The following VASH2 variants were observed in gnomAD, a reference collection of about 807,000 sequenced individuals.
VASH2 encodes vasohibin 2.
Under a neutral mutation model 37.2 loss-of-function variants are expected in VASH2, and 28 were observed. That is an observed-to-expected ratio of 0.75 (90% CI 0.56 to 1.03). The LOEUF is 1.03. Among genes scored for constraint, VASH2 ranks in the 50% least tolerant of loss-of-function variants. The pLI is 0.00. For synonymous variants in VASH2, 188 were observed against 174.7 expected (o/e 1.08, Z -0.60); for missense variants, 419 against 459.1 (o/e 0.91, Z 0.80).
intron 5 of VASH2, chr1:212,968,983 C>G: frequency 1.0e-6 from 1 of 985,442 alleles, no homozygotes; most frequent in Non-Finnish European, 1.2e-6. Flanking sequence ...ACTGGAATCA[C>G]CCACGACCTT....
chr1:212,950,809 T>C lies in VASH2; in HGVS notation c.-205+69T>C, dbSNP rs1034645013. On this transcript the variant is annotated intron_variant, in intron 1 of 7. Coordinates refer to ENST00000517399, the MANE Select transcript of VASH2 (RefSeq NM_001301056.2). This position sits in a 1 kb window ranked among gnomAD's most constrained non-coding sequence, Gnocchi z 5.5. ...GCCTGCAGCCAGTCCCTCCCGGTGATAGGCGCTGGAACTCGGGGAAAAGGG... is the reference window on the plus strand; with the variant it reads ...GCCTGCAGCCAGTCCCTCCCGGTGACAGGCGCTGGAACTCGGGGAAAAGGG... 1.4e-4 allele frequency: 21 copies of C among 153,254 alleles called. No individual in the cohort carries two copies. Among genetic ancestry groups the C allele is most frequent in the East Asian group, 5.8e-4 (3 of 5,188 alleles). The allele number at this position is 153,254 out of a possible 1,614,324, so 9.5% of individuals were successfully genotyped here.
intron 7 of VASH2, among the ~76,000 whole-genome samples, chr1:212,984,576 T>A (rs910333595): frequency 6.6e-6 from 1 of 152,206 alleles, no homozygotes; most frequent in South Asian, 2.1e-4. Context: ...TTTTCTTATA[T>A]GAAGGGCAGC....
chr1:212,977,920 C>T (rs980870992), intron 7 of VASH2, among the ~76,000 whole-genome samples: 8 of 152,186 alleles, frequency 5.3e-5, no homozygotes, highest in East Asian at 3.9e-4. Context: ...TTTGATGAAT[C>T]AGAATGGGAA....
At position 212,968,878 on chromosome 1, in the gene VASH2, G is replaced by A. The variant is rs1276860695; in HGVS notation, c.497+2533G>A. 6.1e-6 allele frequency: 6 copies of A among 985,352 alleles called. No individual in the cohort carries two copies. In the East Asian group the frequency reaches 6.8e-4, roughly 112 times the overall value. 61.0% of individuals were successfully genotyped at this position (985,352 alleles called of 1,614,324 possible). On this transcript the variant is annotated intron_variant, in intron 5 of 7. Coordinates refer to ENST00000517399, the MANE Select transcript of VASH2 (RefSeq NM_001301056.2). ...AACTTCAGACTCTTTGTTGAGGGGTGTCTGAGTGCCTCTGGATTTAGGTCA... is the reference window on the plus strand; with the variant it reads ...AACTTCAGACTCTTTGTTGAGGGGTATCTGAGTGCCTCTGGATTTAGGTCA...
chr1:212,978,971 G>A (rs764620435), intron 7 of VASH2, among the ~76,000 whole-genome samples: 11 of 152,204 alleles, frequency 7.2e-5, no homozygotes, highest in African/African-American at 1.2e-4. Flanking sequence ...TAATTCCTCC[G>A]AAACCTTGAC....
chr1:212,956,583 G>A (rs890651120), intron 2 of VASH2, among the ~76,000 whole-genome samples: 1 of 152,114 alleles, frequency 6.6e-6, no homozygotes, highest in South Asian at 2.1e-4. Context: ...CCCCAGTCAC[G>A]AACAGAAAAA....
chr1:212,963,156 TG>T (rs1220650618), intron 3 of VASH2, among the ~76,000 whole-genome samples: 2 of 152,224 alleles, frequency 1.3e-5, no homozygotes, highest in African/African-American at 4.8e-5. Context: ...GCTGTAAACC[TG>T]ACAGCATATT....
At chr1:212,974,400 T>C (rs1667111987) in intron 7 of VASH2, among the ~76,000 whole-genome samples, 1 of 152,176 alleles carries the variant, frequency 6.6e-6, no homozygotes, top group African/African-American at 2.4e-5. Flanking sequence ...CTCAGCTGCT[T>C]GGGGATGTCT....
rs933874288 is a variant in VASH2, at chr1:212,950,952, T to C, written c.-205+212T>C. 3.2e-4 allele frequency among the ~76,000 whole-genome samples: 49 copies of C among 152,278 alleles called. No individual in the cohort carries two copies. The highest frequency in any genetic ancestry group is 3.4e-3 in the Middle Eastern group (1 of 294). On this transcript the variant is annotated intron_variant, in intron 1 of 7. Transcript: ENST00000517399. The surrounding 1 kb of genome is among the most constrained non-coding windows in gnomAD (Gnocchi z 5.5). ...GCGCCCTCGCGCCAGCTCTGGGCGC[T>C]CACATGCCAGCACGTTCGTGGCTCC...
In VASH2 at chr1:212,970,846, C is replaced by T. The variant is rs1666989624; in HGVS notation, c.498-1734C>T. ...CAGAGGCTGCAGTGAGCTGAGATCG[C>T]ACCACTGCACTCCAGCCTGGGTGAC... is the stretch of plus-strand genomic sequence containing the variant. On this transcript the variant is annotated intron_variant, in intron 5 of 7. Transcript: ENST00000517399. Among the ~76,000 whole-genome samples, 3 of 151,522 alleles carry T rather than the reference C, an allele frequency of 2.0e-5. No individual in the cohort carries two copies. In the South Asian group the frequency reaches 6.3e-4, roughly 32 times the overall value.
chr1:212,972,821 A>C lies in VASH2; in HGVS notation c.739A>C (p.Lys247Gln), dbSNP rs780860487. 9 of 1,614,216 alleles carry C rather than the reference A, an allele frequency of 5.6e-6. No individual in the cohort carries two copies. The South Asian group carries it at 9.9e-5, about 18-fold the overall frequency. The part of the protein sequence containing the change: ...KKYLHTVKKV[K>Q]IGLYVPHEPH... Reference sequence around the variant, plus strand: ...ATACCTGCACACAGTCAAGAAGGTCAAGATTGGGCTGTACGTCCCCCATGA... The same window carrying C: ...ATACCTGCACACAGTCAAGAAGGTCCAGATTGGGCTGTACGTCCCCCATGA... Residue 247 changes from lysine (K) to glutamine (Q), a missense_variant, in exon 6 of 8, where the codon AAG (lysine) becomes CAG (glutamine). By Grantham distance (53) the Lys-to-Gln change is moderately conservative (BLOSUM62 1). Coordinates refer to ENST00000517399, the MANE Select transcript of VASH2 (RefSeq NM_001301056.2).
intron 2 of VASH2, among the ~76,000 whole-genome samples, chr1:212,956,104 T>C (rs1207271387): frequency 1.3e-5 from 2 of 152,256 alleles, no homozygotes; most frequent in African/African-American, 4.8e-5. Context: ...GGGTTCTTGC[T>C]GCCTCTCTGG....
rs771031662 is a variant in VASH2, at chr1:212,974,038, C to T, written c.963C>T (p.Ser321=). 18 of 1,613,486 alleles carry T rather than the reference C, an allele frequency of 1.1e-5. No individual in the cohort carries two copies. The Admixed American group carries it at 2.0e-4, about 18-fold the overall frequency. Residue 321 remains serine (S), a synonymous_variant, in exon 7 of 8, where the codon AGC becomes AGT. Transcript: ENST00000517399. ...TGTCCCCCAGAAGGAGACAGGCAAG[C>T]CCCCCGAGGAGGCTCGGCCGGCGAG... The part of the protein sequence containing the change: ...KSLSPRRRQA[S]PPRRLGRREK...
rs140395054 is a variant in VASH2, at chr1:212,958,052, C to T, written c.277-3114C>T. Reference sequence around the variant, plus strand: ...GAAGAAAACAGAGGCTTAGAGAGGTCATGCAGCTTGACCAGGGCCCACAGC... The same window carrying T: ...GAAGAAAACAGAGGCTTAGAGAGGTTATGCAGCTTGACCAGGGCCCACAGC... On this transcript the variant is annotated intron_variant, in intron 2 of 7. Coordinates refer to ENST00000517399, the MANE Select transcript of VASH2 (RefSeq NM_001301056.2). Among the ~76,000 whole-genome samples the T allele has an allele frequency of 2.7e-3, 417 of 152,326 alleles. 3 individuals carry two copies. Among genetic ancestry groups the T allele is most frequent in the African/African-American group, 9.8e-3 (406 of 41,572 alleles).
At chr1:212,985,221 T>TG (rs1215828740) in intron 7 of VASH2, among the ~76,000 whole-genome samples, 6 of 121,410 alleles carry the variant, frequency 4.9e-5, no homozygotes, top group Non-Finnish European at 6.8e-5. Flanking sequence ...TTTTTTTTTT[T>TG]GTAGAGATGG....
chr1:212,961,170 C>T lies in VASH2; in HGVS notation c.281C>T (p.Ser94Leu), dbSNP rs1666664663. 2.5e-6 allele frequency: 4 copies of T among 1,614,186 alleles called. No homozygotes were observed. In the East Asian group the frequency reaches 6.7e-5, roughly 27 times the overall value. Residue 94 changes from serine (S) to leucine (L), a missense_variant, in exon 3 of 8, where the codon TCA becomes TTA. By Grantham distance (145) the Ser-to-Leu change is moderately radical. Coordinates refer to ENST00000517399, the MANE Select transcript of VASH2 (RefSeq NM_001301056.2). The stretch of plus-strand genomic sequence containing the variant: ...CTCTTCTCTATTTTTCTGCAGCCTT[C>T]AATACCCCAGGTCCCAAACTACAGG... ...IRNAAFLAKP[S>L]IPQVPNYRLS...
At chr1:212,954,587 T>G (rs1478387757) in intron 2 of VASH2, among the ~76,000 whole-genome samples, 1 of 152,036 alleles carries the variant, frequency 6.6e-6, no homozygotes, top group African/African-American at 2.4e-5. Flanking sequence ...TGCCCAGCTA[T>G]TTTTTGTATT....
At chr1:212,984,283 T>C (rs977524422) in intron 7 of VASH2, among the ~76,000 whole-genome samples, 3 of 152,150 alleles carry the variant, frequency 2.0e-5, no homozygotes, top group African/African-American at 7.2e-5. Flanking sequence ...CTACAAAAAA[T>C]TTATGGGCTG....
intron 7 of VASH2, among the ~76,000 whole-genome samples, chr1:212,976,084 G>A (rs1667160496): frequency 6.6e-6 from 1 of 152,226 alleles, no homozygotes; most frequent in Admixed American, 6.5e-5. Context: ...GGAGGTGGTG[G>A]TGGCTGGTTT....
Sources: allele counts gnomAD v4.1 joint callset (sites outside exome capture counted in the v4.1 genomes callset), GRCh38; gene constraint gnomAD v4.1.1; non-coding constraint Gnocchi (gnomAD v3.1); transcripts MANE v1.5; gene names NCBI Gene and HGNC (gene_info 2026-07-23, HGNC 2026-07-21).